The following GPC6 variants were observed in gnomAD, a reference collection of about 807,000 sequenced individuals.
GPC6 encodes the protein glypican 6, also known as glypican-6.
GPC6 carries 14 observed loss-of-function variants against 55.2 expected under a neutral mutation model. That is an observed-to-expected ratio of 0.25 (90% CI 0.17 to 0.40). The LOEUF (loss-of-function observed/expected upper bound fraction) is 0.40. Among genes scored for constraint, GPC6 ranks in the 10% least tolerant of loss-of-function variants. GPC6 has a pLI of 1.00. For synonymous variants in GPC6, 278 were observed against 259.6 expected (o/e 1.07, Z -0.68); for missense variants, 641 against 708.5 (o/e 0.90, Z 1.08).
At chr13:93,838,817 C>T (rs1455979484) in intron 3 of GPC6, among the ~76,000 whole-genome samples, 1 of 151,102 alleles carries the variant, frequency 6.6e-6, no homozygotes, top group East Asian at 2.0e-4. Flanking sequence ...AGTTTAGGGC[C>T]CTGTCCCCAG....
chr13:93,739,192 T>G (rs1238505867), intron 2 of GPC6, among the ~76,000 whole-genome samples: 1 of 151,960 alleles, frequency 6.6e-6, no homozygotes, highest in African/African-American at 2.4e-5. Flanking sequence ...GGAAAATTGT[T>G]AGAATCTCCC....
intron 2 of GPC6, among the ~76,000 whole-genome samples, chr13:93,550,811 C>A (rs536091015): frequency 6.6e-6 from 1 of 152,074 alleles, no homozygotes; most frequent in Non-Finnish European, 1.5e-5. Context: ...TGTGTGATTT[C>A]TATTTGAAAA....
At chr13:94,009,159 T>C (rs1252027921) in intron 3 of GPC6, among the ~76,000 whole-genome samples, 1 of 152,150 alleles carries the variant, frequency 6.6e-6, no homozygotes, top group African/African-American at 2.4e-5. Flanking sequence ...AATGGTAGGA[T>C]TTCCCCCCTA....
At chr13:94,109,712 A>T (rs967232133) in intron 4 of GPC6, among the ~76,000 whole-genome samples, 1 of 152,194 alleles carries the variant, frequency 6.6e-6, no homozygotes, top group Admixed American at 6.6e-5. Context: ...AAAATTCATC[A>T]TAATTCTAAT....
intron 6 of GPC6, among the ~76,000 whole-genome samples, chr13:94,309,666 G>A (rs1233705044): frequency 6.8e-6 from 1 of 146,776 alleles, no homozygotes; most frequent in East Asian, 2.5e-4. Flanking sequence ...ATCCAAGAAT[G>A]AGTGAATGTA....
intron 1 of GPC6, among the ~76,000 whole-genome samples, chr13:93,541,182 C>T (rs567196873): frequency 6.8e-5 from 8 of 117,992 alleles, no homozygotes; most frequent in Non-Finnish European, 1.2e-4. Flanking sequence ...CCCCTCCCCC[C>T]ACCCCACAAC....
At chr13:94,327,478 C>T (rs1014172111) in intron 6 of GPC6, among the ~76,000 whole-genome samples, 3 of 152,108 alleles carry the variant, frequency 2.0e-5, no homozygotes, top group African/African-American at 7.2e-5. Flanking sequence ...TAGGCCACAA[C>T]ACAGGAAAAA....
At chr13:93,643,636 A>G (rs1166880281) in intron 2 of GPC6, among the ~76,000 whole-genome samples, 15 of 152,076 alleles carry the variant, frequency 9.9e-5, no homozygotes, top group Non-Finnish European at 1.5e-5. Context: ...CTTTCCTGGT[A>G]AGGGGAAAGC....
chr13:93,824,400 G>A (rs1887161581), intron 2 of GPC6, among the ~76,000 whole-genome samples: 1 of 152,146 alleles, frequency 6.6e-6, no homozygotes, highest in South Asian at 2.1e-4. Context: ...TAGCATGCTG[G>A]GCATTGCTTA....
At chr13:93,559,334 A>G (rs775883633) in intron 2 of GPC6, among the ~76,000 whole-genome samples, 1 of 152,142 alleles carries the variant, frequency 6.6e-6, no homozygotes, top group Non-Finnish European at 1.5e-5. Context: ...AAAATGTTAT[A>G]TTTCTTTCAA....
chr13:93,571,529 G>C (rs192016481), intron 2 of GPC6, among the ~76,000 whole-genome samples: 1 of 152,110 alleles, frequency 6.6e-6, no homozygotes, highest in Non-Finnish European at 1.5e-5. Context: ...TACAATGACT[G>C]TTTCAAGATG....
At chr13:93,497,363 A>G (rs1424648347) in intron 1 of GPC6, among the ~76,000 whole-genome samples, 1 of 152,210 alleles carries the variant, frequency 6.6e-6, no homozygotes. Flanking sequence ...GGGGCAGGTC[A>G]TAAAATAAAG....
intron 3 of GPC6, among the ~76,000 whole-genome samples, chr13:93,983,609 G>C (rs934855168): frequency 6.6e-6 from 1 of 151,904 alleles, no homozygotes; most frequent in Admixed American, 6.6e-5. Flanking sequence ...TAAGTTTGCA[G>C]TTTAATTAGT....
intron 1 of GPC6, among the ~76,000 whole-genome samples, chr13:93,257,551 T>C (rs780228182): frequency 4.3e-4 from 66 of 152,206 alleles, no homozygotes; most frequent in Non-Finnish European, 8.2e-4. Context: ...TATGTTCTGA[T>C]AAAACAGAAC....
intron 4 of GPC6, among the ~76,000 whole-genome samples, chr13:94,277,645 A>G (rs1892255131): frequency 6.6e-6 from 1 of 152,196 alleles, no homozygotes; most frequent in African/African-American, 2.4e-5. Context: ...AGTTTTCTGC[A>G]TGTGGCTAGC....
At chr13:93,709,601 T>G (rs1489517168) in intron 2 of GPC6, among the ~76,000 whole-genome samples, 1 of 151,864 alleles carries the variant, frequency 6.6e-6, no homozygotes, top group Non-Finnish European at 1.5e-5. Flanking sequence ...TCAATTACTT[T>G]GTTTGTGCAG....
At chr13:94,276,827 T>A (rs1892227260) in intron 4 of GPC6, among the ~76,000 whole-genome samples, 1 of 152,218 alleles carries the variant, frequency 6.6e-6, no homozygotes, top group Non-Finnish European at 1.5e-5. Context: ...ATTTTCTTTA[T>A]CCAGTCTATC....
intron 2 of GPC6, among the ~76,000 whole-genome samples, chr13:93,659,375 ACT>A (rs1880823893): frequency 6.6e-6 from 1 of 151,810 alleles, no homozygotes; most frequent in Non-Finnish European, 1.5e-5. Flanking sequence ...AGAGGGACAA[ACT>A]CTTCTCAATC....
intron 4 of GPC6, among the ~76,000 whole-genome samples, chr13:94,162,305 G>A (rs1340885978): frequency 6.6e-6 from 1 of 152,190 alleles, no homozygotes; most frequent in African/African-American, 2.4e-5. Context: ...CCTTGGGGTT[G>A]CAAGCTGGCT....
Sources: gnomAD v4.1 joint callset for allele counts (sites outside exome capture counted in the v4.1 genomes callset) on GRCh38, gnomAD v4.1.1 for gene constraint, MANE v1.5 for transcripts, NCBI Gene and HGNC (gene_info 2026-07-23, HGNC 2026-07-21) for gene names.